The following ZBBX variants were observed in gnomAD, a reference collection of about 807,000 sequenced individuals.
ZBBX encodes zinc finger B-box domain-containing protein 1.
ZBBX carries 101 observed loss-of-function variants against 108.5 expected under a neutral mutation model. The observed-to-expected ratio is 0.93, with a 90% confidence interval of 0.79 to 1.10. The LOEUF (loss-of-function observed/expected upper bound fraction) is 1.10. ZBBX is among the 50% of genes least tolerant of loss of function. The probability of loss-of-function intolerance (pLI) is 0.00; values close to 1 mark genes in which losing one functional copy is unlikely to be tolerated. For missense variants in ZBBX, 1,009 were observed against 941.4 expected, an observed-to-expected ratio of 1.07 and a Z score of -0.94; for synonymous variants, 356 against 323.4, an observed-to-expected ratio of 1.10 and a Z score of -1.08.
intron 9 of ZBBX, among the ~76,000 whole-genome samples, chr3:167,340,948 C>T (rs1213701785): frequency 1.3e-5 from 2 of 151,860 alleles, no homozygotes; most frequent in African/African-American, 4.8e-5. Context: ...TTTCTAAAAA[C>T]AGATATGGTA....
intron 16 of ZBBX, among the ~76,000 whole-genome samples, chr3:167,306,962 A>G (rs966913430): frequency 1.3e-5 from 2 of 152,204 alleles, no homozygotes; most frequent in African/African-American, 2.4e-5. Flanking sequence ...AAATGTTTAT[A>G]TAACTCACCA....
upstream of ZBBX, among the ~76,000 whole-genome samples, chr3:167,382,317 A>T (rs768368499): frequency 5.3e-5 from 8 of 152,184 alleles, no homozygotes; most frequent in Non-Finnish European, 8.8e-5. Context: ...GACAAAATGA[A>T]ATGAAACATG....
chr3:167,329,975 A>T (rs1269052676), intron 10 of ZBBX, among the ~76,000 whole-genome samples: 1 of 152,228 alleles, frequency 6.6e-6, no homozygotes, highest in Non-Finnish European at 1.5e-5. Context: ...GAGTTTCAGG[A>T]TTTTATCATA....
At chr3:167,286,284 A>G (rs1349694860) in intron 19 of ZBBX, among the ~76,000 whole-genome samples, 1 of 152,140 alleles carries the variant, frequency 6.6e-6, no homozygotes, top group African/African-American at 2.4e-5. Context: ...CAGTTAGGAG[A>G]GACGGGTAGC....
chr3:167,184,257 T>C, the ZBBX span, among the ~76,000 whole-genome samples: 1 of 152,202 alleles, frequency 6.6e-6, no homozygotes, highest in South Asian at 2.1e-4. Flanking sequence ...CCTTGAAAAC[T>C]GATTCACATA....
intron 9 of ZBBX, among the ~76,000 whole-genome samples, chr3:167,343,601 A>G (rs1191382421): frequency 6.6e-6 from 1 of 151,928 alleles, no homozygotes; most frequent in African/African-American, 2.4e-5. Context: ...AGATATACAA[A>G]TGGCCACCAA....
the ZBBX span, among the ~76,000 whole-genome samples, chr3:167,201,799 C>T: frequency 6.6e-6 from 1 of 152,040 alleles, no homozygotes; most frequent in Non-Finnish European, 1.5e-5. Context: ...GAAATGTGAA[C>T]GTATACAGAT....
At chr3:167,342,760 C>G (rs1455320050) in intron 9 of ZBBX, among the ~76,000 whole-genome samples, 1 of 149,474 alleles carries the variant, frequency 6.7e-6, no homozygotes, top group Non-Finnish European at 1.5e-5. Context: ...TTTCAATTAT[C>G]ATAATATCTT....
At chr3:167,206,257 A>T in the ZBBX span, among the ~76,000 whole-genome samples, 2 of 152,062 alleles carry the variant, frequency 1.3e-5, no homozygotes, top group Non-Finnish European at 2.9e-5. Context: ...TGTCTGGATT[A>T]TATCAGTTAG....
At position 167,240,805 on chromosome 3, in the gene ZBBX, T is replaced by C. The variant is rs772422602; in HGVS notation, c.2508A>G (p.Ser836=). 6.2e-6 allele frequency: 10 copies of C among 1,613,078 alleles called. No homozygotes were observed. In the South Asian group the frequency reaches 7.7e-5, roughly 12 times the overall value. The stretch of plus-strand genomic sequence containing the variant: ...GAACAAATAATCTTTAAGTACTCTT[T>C]GACCACGGTAGTGTGATGACATGTT... The part of the protein sequence containing the change: ...NKQHVITLPW[S]KST The change falls in exon 22 of 22, where the codon TCA becomes TCG. Residue 836 remains serine, a synonymous_variant. Transcript: ENST00000675490.
At chr3:167,301,213 T>G (rs1190371929) in intron 17 of ZBBX, among the ~76,000 whole-genome samples, 5 of 152,202 alleles carry the variant, frequency 3.3e-5, no homozygotes, top group African/African-American at 1.2e-4. Flanking sequence ...TGCATTAACA[T>G]ATAAAAGAAG....
rs1339972896 is a variant in ZBBX at position 167,241,641 on chromosome 3, A to G, written c.2394-722T>C. Among the ~76,000 whole-genome samples, 5 of 152,168 alleles carry G rather than the reference A, an allele frequency of 3.3e-5. No individual in the cohort carries two copies. In the East Asian group the frequency reaches 9.6e-4, roughly 29 times the overall value. On this transcript the variant is annotated intron_variant, in intron 21 of 21. Transcript: ENST00000675490. ...GTGGCCTGAGTAGTCCCAGCTGTTT[A>G]AGTGGCTGAAGCAGGATAGCCTGAG...
chr3:167,387,636 T>G (rs1433501613), intron 1 of ZBBX, among the ~76,000 whole-genome samples: 2 of 151,668 alleles, frequency 1.3e-5, no homozygotes, highest in East Asian at 3.9e-4. Context: ...TCAAGAGACG[T>G]GGAGAAAGAG....
At chr3:167,238,935 T>C (rs1034735307), downstream of ZBBX, among the ~76,000 whole-genome samples, 4 of 152,138 alleles carry the variant, frequency 2.6e-5, no homozygotes, top group Non-Finnish European at 4.4e-5. Flanking sequence ...TCCAGAGAAA[T>C]AGAACAAATA....
the ZBBX span, among the ~76,000 whole-genome samples, chr3:167,211,122 C>A: frequency 6.6e-6 from 1 of 152,142 alleles, no homozygotes; most frequent in Non-Finnish European, 1.5e-5. Flanking sequence ...ACCCACAAGA[C>A]AAGACAATGG....
chr3:167,401,947 G>C (rs1335676896), intron 1 of ZBBX, among the ~76,000 whole-genome samples: 1 of 152,128 alleles, frequency 6.6e-6, no homozygotes, highest in African/African-American at 2.4e-5. Context: ...TTGATGAACT[G>C]ATTTCCAGAG....
At chr3:167,374,893 A>C (rs923964041) in intron 2 of ZBBX, among the ~76,000 whole-genome samples, 1 of 152,218 alleles carries the variant, frequency 6.6e-6, no homozygotes, top group South Asian at 2.1e-4. Flanking sequence ...ATACTGTTGG[A>C]AAGAATAGCT....
At chr3:167,366,431 A>T (rs578001019) in intron 5 of ZBBX, among the ~76,000 whole-genome samples, 17 of 151,936 alleles carry the variant, frequency 1.1e-4, no homozygotes, top group Non-Finnish European at 1.3e-4. Context: ...TTGAAACATA[A>T]CAGAGATTAC....
intron 9 of ZBBX, among the ~76,000 whole-genome samples, chr3:167,342,920 C>T (rs1740798591): frequency 2.0e-5 from 3 of 151,566 alleles, no homozygotes. Context: ...AAATTGTGTA[C>T]ATTAAAGATG....
Sources: gnomAD v4.1 joint callset for allele counts (sites outside exome capture counted in the v4.1 genomes callset) on GRCh38, gnomAD v4.1.1 for gene constraint, MANE v1.5 for transcripts, NCBI Gene and HGNC (gene_info 2026-07-23, HGNC 2026-07-21) for gene names.